Variants in CMIP observed in about 807,000 individuals in gnomAD.
CMIP encodes c-Maf inducing protein, also known as C-Maf-inducing protein.
In CMIP, 13 loss-of-function variants were observed where a neutral mutation model predicts 97.3. The ratio of observed to expected loss-of-function variants is 0.13; its 90% CI spans 0.09 to 0.21. The LOEUF (loss-of-function observed/expected upper bound fraction) is 0.21, where lower values mean the gene tolerates loss of function less well. CMIP is among the 10% of genes least tolerant of loss of function. The probability of loss-of-function intolerance (pLI) is 1.00; values close to 1 mark genes in which losing one functional copy is unlikely to be tolerated. For missense variants in CMIP, 847 were observed against 1,024.9 expected, an observed-to-expected ratio of 0.83 and a Z score of 2.37; for synonymous variants, 538 against 436.3, an observed-to-expected ratio of 1.23 and a Z score of -2.91.
rs569364958 is a variant in CMIP at position 81,477,872 on chromosome 16, A to G, written c.300+32331A>G. ...GATCTTACCATTTCGTTTGCATTCC[A>G]GTTAGCAGAAAGTGGGAGTGGCAGG... On this transcript the variant is annotated intron_variant, in intron 1 of 20. Coordinates refer to ENST00000537098, the MANE Select transcript of CMIP (RefSeq NM_198390.3). Among the ~76,000 whole-genome samples the G allele has an allele frequency of 1.6e-4, 25 of 152,320 alleles. 1 individual carries two copies. Among genetic ancestry groups the G allele is most frequent in the Admixed American group, 1.4e-3 (22 of 15,304 alleles).
At chr16:81,542,656 A>G (rs545952618) in intron 1 of CMIP, among the ~76,000 whole-genome samples, 44 of 151,794 alleles carry the variant, frequency 2.9e-4, no homozygotes, top group African/African-American at 1.0e-3. Flanking sequence ...GGTTTGGGTG[A>G]GGGCCCTCTT....
At chr16:81,624,473 T>G (rs1428933323) in intron 3 of CMIP, among the ~76,000 whole-genome samples, 1 of 146,842 alleles carries the variant, frequency 6.8e-6, no homozygotes, top group Admixed American at 6.9e-5. Context: ...TGGGCGAAAG[T>G]GCGAGACTCC....
At chr16:81,649,801 T>C (rs899403595) in intron 3 of CMIP, among the ~76,000 whole-genome samples, 2 of 152,078 alleles carry the variant, frequency 1.3e-5, no homozygotes, top group East Asian at 1.9e-4. Context: ...GGGCTTGATA[T>C]AGGGTGGATT....
intron 2 of CMIP, among the ~76,000 whole-genome samples, chr16:81,609,752 G>A (rs1482078179): frequency 1.3e-5 from 2 of 152,218 alleles, no homozygotes; most frequent in East Asian, 1.9e-4. Context: ...GGGCAGAGGG[G>A]ATGTGTGTGC....
At position 81,546,779 on chromosome 16, in the gene CMIP, T is replaced by G. The variant is rs552277188; in HGVS notation, c.301-60788T>G. On this transcript the variant is annotated intron_variant, in intron 1 of 20. Coordinates refer to ENST00000537098, the MANE Select transcript of CMIP (RefSeq NM_198390.3). Reference sequence around the variant, plus strand: ...GGAGCTAGACATCCCTCTAGACCTGTGCTGGCTGGAAGAGTAGCCGCTGCC... The same window carrying G: ...GGAGCTAGACATCCCTCTAGACCTGGGCTGGCTGGAAGAGTAGCCGCTGCC... Among the ~76,000 whole-genome samples, 11 of 152,334 alleles carry G rather than the reference T, an allele frequency of 7.2e-5. No homozygotes were observed. In the East Asian group the frequency reaches 1.7e-3, roughly 24 times the overall value.
chr16:81,467,833 G>A (rs889713316), intron 1 of CMIP, among the ~76,000 whole-genome samples: 1 of 150,256 alleles, frequency 6.7e-6, no homozygotes, highest in Non-Finnish European at 1.5e-5. Flanking sequence ...CACCTGCCTC[G>A]GCCTCCCAAA....
At chr16:81,531,530 G>A (rs958405518) in intron 1 of CMIP, among the ~76,000 whole-genome samples, 2 of 152,176 alleles carry the variant, frequency 1.3e-5, no homozygotes, top group African/African-American at 2.4e-5. Context: ...ACACCAGGCC[G>A]TCTCTACCCG....
chr16:81,669,540 C>G (rs1356714250), intron 7 of CMIP, among the ~76,000 whole-genome samples: 1 of 146,652 alleles, frequency 6.8e-6, no homozygotes, highest in Non-Finnish European at 1.5e-5. Context: ...ACACTCACCT[C>G]CTTCCACACC....
chr16:81,704,128 T>A, intron 18 of CMIP, 43 bp downstream of exon 18: 2 of 1,510,118 alleles, frequency 1.3e-6, no homozygotes, highest in Non-Finnish European at 1.8e-6. Flanking sequence ...ACCCTCCTCC[T>A]TCACCTCTGC....
intron 2 of CMIP, among the ~76,000 whole-genome samples, chr16:81,609,984 G>T (rs1343990360): frequency 5.3e-5 from 8 of 152,204 alleles, no homozygotes; most frequent in Admixed American, 5.2e-4. Flanking sequence ...GTGGTGGCAG[G>T]GCAGAGGGGC....
intron 2 of CMIP, chr16:81,610,409 C>G (rs909720340): frequency 5.1e-6 from 5 of 985,748 alleles, no homozygotes; most frequent in East Asian, 1.1e-4. Context: ...GAGGCAGGAG[C>G]AGGAGAGGAG....
intron 3 of CMIP, among the ~76,000 whole-genome samples, chr16:81,641,188 C>T (rs2092302778): frequency 6.6e-6 from 1 of 152,128 alleles, no homozygotes; most frequent in African/African-American, 2.4e-5. Context: ...ATGAGAGTTG[C>T]AGGGTAGGTG....
intron 1 of CMIP, among the ~76,000 whole-genome samples, chr16:81,597,601 G>T (rs539253949): frequency 6.6e-6 from 1 of 151,628 alleles, no homozygotes; most frequent in East Asian, 2.0e-4. Context: ...AGCGGGGGGG[G>T]GGGAGTCTCC....
At chr16:81,626,367 T>C (rs1428210222) in intron 3 of CMIP, among the ~76,000 whole-genome samples, 2 of 149,122 alleles carry the variant, frequency 1.3e-5, no homozygotes, top group Admixed American at 1.3e-4. Flanking sequence ...CTGTTTTGAG[T>C]ATGTGTGGTG....
At chr16:81,659,497 C>T (rs1280150665) in intron 5 of CMIP, among the ~76,000 whole-genome samples, 1 of 152,130 alleles carries the variant, frequency 6.6e-6, no homozygotes, top group Admixed American at 6.5e-5. Context: ...GTAAACGGAG[C>T]AAGCTGGGGA....
chr16:81,686,167 C>T lies in CMIP; in HGVS notation c.1389-5608C>T, dbSNP rs540233369. On this transcript the variant is annotated intron_variant, in intron 10 of 20. Transcript: ENST00000537098. ...CCTGGCACGCAGCAGGCGCTGCAGACGAGGTTTGCTGTCAACTGCATTTCC... is the reference window on the plus strand; with the variant it reads ...CCTGGCACGCAGCAGGCGCTGCAGATGAGGTTTGCTGTCAACTGCATTTCC... Among the ~76,000 whole-genome samples, 28 of 152,262 alleles carry T rather than the reference C, an allele frequency of 1.8e-4. 1 individual carries two copies. In the South Asian group the frequency reaches 4.6e-3, roughly 25 times the overall value.
chr16:81,566,610 C>A (rs547611234), intron 1 of CMIP, among the ~76,000 whole-genome samples: 1 of 152,352 alleles, frequency 6.6e-6, no homozygotes, highest in South Asian at 2.1e-4. Flanking sequence ...CTAATGCATT[C>A]ATTCCTGCTT....
chr16:81,576,480 A>G (rs1337240701), intron 1 of CMIP, among the ~76,000 whole-genome samples: 1 of 152,140 alleles, frequency 6.6e-6, no homozygotes, highest in Non-Finnish European at 1.5e-5. Flanking sequence ...TTATCACATC[A>G]GTTTTAAGGG....
In CMIP at chr16:81,499,653, G is replaced by T. The variant is rs184834443; in HGVS notation, c.300+54112G>T. Among the ~76,000 whole-genome samples, 644 of 152,276 alleles carry T rather than the reference G, an allele frequency of 4.2e-3. 1 individual carries two copies. Among genetic ancestry groups the T allele is most frequent in the Non-Finnish European group, 6.5e-3 (443 of 68,040 alleles). On this transcript the variant is annotated intron_variant, in intron 1 of 20. Transcript: ENST00000537098. ...GGAATGTCCTTAGCAGACTGGGCTGGCATGTGGCCTCTGCCCGGGGAGCAG... is the reference window on the plus strand; with the variant it reads ...GGAATGTCCTTAGCAGACTGGGCTGTCATGTGGCCTCTGCCCGGGGAGCAG...
Sources: allele counts gnomAD v4.1 joint callset (sites outside exome capture counted in the v4.1 genomes callset), GRCh38; gene constraint gnomAD v4.1.1; transcripts MANE v1.5; gene names NCBI Gene and HGNC (gene_info 2026-07-23, HGNC 2026-07-21).